SCAI: variants seen among roughly 807,000 people sequenced by gnomAD.
SCAI encodes the protein suppressor of cancer cell invasion.
A neutral mutation model predicts 92.2 loss-of-function variants in SCAI; 24 were observed. That is an observed-to-expected ratio of 0.26 (90% CI 0.19 to 0.37). SCAI has a LOEUF of 0.37. SCAI is among the 10% of genes least tolerant of loss of function. The pLI is 1.00. For synonymous variants in SCAI, 261 were observed against 258.6 expected, an observed-to-expected ratio of 1.01 and a Z score of -0.09; for missense variants, 450 against 736.2, an observed-to-expected ratio of 0.61 and a Z score of 4.50.
intron 2 of SCAI, among the ~76,000 whole-genome samples, chr9:125,059,795 A>G (rs1406035385): frequency 6.6e-6 from 1 of 152,200 alleles, no homozygotes; most frequent in Non-Finnish European, 1.5e-5. Flanking sequence ...TTCAAAATCT[A>G]TCTTTCCAGT....
intron 4 of SCAI, 51 bp from the exon 5 acceptor site, chr9:125,028,529 A>G (rs749826916): frequency 2.1e-6 from 2 of 967,574 alleles, no homozygotes; most frequent in Middle Eastern, 2.2e-4. Context: ...AAATTCCAAA[A>G]CTAATCAAAT....
At chr9:125,100,907 A>C (rs541498819) in intron 2 of SCAI, among the ~76,000 whole-genome samples, 1 of 152,340 alleles carries the variant, frequency 6.6e-6, no homozygotes, top group South Asian at 2.1e-4. Context: ...GATGTGTTTG[A>C]GCAACAGCAA....
intron 2 of SCAI, among the ~76,000 whole-genome samples, chr9:125,058,911 G>A (rs1455247431): frequency 6.6e-6 from 1 of 151,904 alleles, no homozygotes; most frequent in Non-Finnish European, 1.5e-5. Context: ...GGCCAAACAG[G>A]GTAATTTCAG....
chr9:125,000,791 G>C (rs550558976), intron 12 of SCAI, among the ~76,000 whole-genome samples: 8 of 152,218 alleles, frequency 5.3e-5, no homozygotes, highest in Non-Finnish European at 1.0e-4. Flanking sequence ...AGATTTCAGC[G>C]TGCAAATATC....
At chr9:125,009,362 T>C (rs1335273559) in intron 9 of SCAI, among the ~76,000 whole-genome samples, 1 of 152,144 alleles carries the variant, frequency 6.6e-6, no homozygotes, top group African/African-American at 2.4e-5. Flanking sequence ...CTCCACCTCC[T>C]GGGTCCAAGC....
intron 15 of SCAI, among the ~76,000 whole-genome samples, chr9:124,975,844 A>C (rs1831743748): frequency 6.6e-6 from 1 of 152,196 alleles, no homozygotes; most frequent in South Asian, 2.1e-4. Flanking sequence ...ACAAATTTTA[A>C]AATTTACAAA....
chr9:125,049,269 T>A (rs1833508099), intron 3 of SCAI, among the ~76,000 whole-genome samples: 1 of 152,186 alleles, frequency 6.6e-6, no homozygotes, highest in African/African-American at 2.4e-5. Flanking sequence ...ATTAGTGACT[T>A]GGAGGCCTCT....
intron 3 of SCAI, among the ~76,000 whole-genome samples, chr9:125,039,888 G>A (rs1290857874): frequency 6.6e-6 from 1 of 151,926 alleles, no homozygotes; most frequent in Non-Finnish European, 1.5e-5. Context: ...TTCAGGGAAG[G>A]GACTCATTTT....
intron 6 of SCAI, among the ~76,000 whole-genome samples, chr9:125,024,154 TTTA>T (rs754394494): frequency 1.5e-4 from 23 of 151,694 alleles, no homozygotes; most frequent in African/African-American, 5.1e-4. Flanking sequence ...CCCCCTACCT[TTTA>T]TTGTTTCTTC....
At chr9:125,142,008 G>C (rs1304700037) in intron 2 of SCAI, among the ~76,000 whole-genome samples, 2 of 152,152 alleles carry the variant, frequency 1.3e-5, no homozygotes, top group Non-Finnish European at 2.9e-5. Flanking sequence ...CTGCATCACT[G>C]CAGCCTTGAC....
intron 17 of SCAI, among the ~76,000 whole-genome samples, chr9:124,957,603 C>G (rs1470677921): frequency 1.3e-5 from 2 of 150,804 alleles, no homozygotes; most frequent in Non-Finnish European, 3.0e-5. Flanking sequence ...AACTCCTGAC[C>G]TTGTGATCCG....
chr9:125,007,629 G>A (rs1212088032), intron 9 of SCAI, among the ~76,000 whole-genome samples: 1 of 151,802 alleles, frequency 6.6e-6, no homozygotes, highest in African/African-American at 2.4e-5. Flanking sequence ...CCACCTGCAT[G>A]ACAGAGCCAG....
At chr9:124,962,178 G>GT (rs1831451934) in intron 17 of SCAI, among the ~76,000 whole-genome samples, 1 of 144,220 alleles carries the variant, frequency 6.9e-6, no homozygotes, top group East Asian at 2.0e-4. Flanking sequence ...TTTGCGGGGG[G>GT]GGATGGAGTC....
rs770118712 is a variant in SCAI, at chr9:125,042,858, C to CTT, written c.230+13016_230+13017dup. On this transcript the variant is annotated intron_variant, in intron 3 of 17. Coordinates refer to ENST00000336505, the MANE Select transcript of SCAI (RefSeq NM_001144877.3). ...TCTGGGACCACATTCTGCTCCCTGG[C>CTT]TTTTTTTTTTTTTTTTTTTTTTTTT... Among the ~76,000 whole-genome samples, 185 of 50,998 alleles carry CTT rather than the reference C, an allele frequency of 3.6e-3. 52 individuals carry two copies. Among genetic ancestry groups the CTT allele is most frequent in the African/African-American group, 0.011 (131 of 12,416 alleles). 33.5% of individuals were successfully genotyped at this position (50,998 alleles called of 152,430 possible). A position where few individuals can be genotyped will look rare whatever the true frequency, so the allele number is the denominator to read the frequency against.
At chr9:125,046,196 G>GATATACATATAT (rs1833429899) in intron 3 of SCAI, among the ~76,000 whole-genome samples, 2 of 51,868 alleles carry the variant, frequency 3.9e-5, no homozygotes, top group African/African-American at 1.5e-4. Flanking sequence ...GAAATTGTGA[G>GATATACATATAT]ATATATATAT....
At chr9:125,105,826 C>T (rs577960359) in intron 2 of SCAI, among the ~76,000 whole-genome samples, 62 of 151,800 alleles carry the variant, frequency 4.1e-4, no homozygotes, top group African/African-American at 1.4e-3. Flanking sequence ...TGGCCGGGCG[C>T]GGTGGCTCAC....
chr9:125,030,505 G>A (rs1012211093), intron 3 of SCAI, among the ~76,000 whole-genome samples: 1 of 152,146 alleles, frequency 6.6e-6, no homozygotes, highest in African/African-American at 2.4e-5. Context: ...CTGTAGGAAG[G>A]CACTACAATT....
At chr9:125,130,936 C>CCT (rs1554718667) in intron 2 of SCAI, among the ~76,000 whole-genome samples, 19 of 77,294 alleles carry the variant, frequency 2.5e-4, no homozygotes, top group African/African-American at 8.5e-4. Context: ...GTTTGAACCG[C>CCT]TTTTTTTTTT....
chr9:124,997,700 A>T (rs2131625423), intron 13 of SCAI, among the ~76,000 whole-genome samples: 1 of 152,144 alleles, frequency 6.6e-6, no homozygotes. Context: ...ACATGGTGAA[A>T]CCCCATCTCT....
Sources: allele counts gnomAD v4.1 joint callset (sites outside exome capture counted in the v4.1 genomes callset), GRCh38; gene constraint gnomAD v4.1.1; transcripts MANE v1.5; gene names NCBI Gene and HGNC (gene_info 2026-07-23, HGNC 2026-07-21).